Variants in ELSPBP1 observed in about 807,000 individuals in gnomAD.
ELSPBP1 encodes the protein epididymal sperm-binding protein 1.
A neutral mutation model predicts 33.3 loss-of-function variants in ELSPBP1; 38 were observed. The observed-to-expected ratio is 1.14, with a 90% CI of 0.88 to 1.50. The LOEUF is 1.50. ELSPBP1 is among the 40% of genes most tolerant of loss of function. ELSPBP1 has a pLI of 0.00. For missense variants in ELSPBP1, 267 were observed against 263.5 expected (o/e 1.01, Z -0.09); for synonymous variants, 85 against 94.1 (o/e 0.90, Z 0.56).
intron 6 of ELSPBP1, among the ~76,000 whole-genome samples, chr19:48,024,602 C>G (rs900121156): frequency 2.0e-5 from 3 of 152,142 alleles, no homozygotes; most frequent in Non-Finnish European, 4.4e-5. Flanking sequence ...GAACTCTGGG[C>G]ACCATCTTAA....
intron 1 of ELSPBP1, among the ~76,000 whole-genome samples, chr19:48,006,902 C>T (rs892971237): frequency 2.6e-5 from 4 of 152,090 alleles, no homozygotes; most frequent in African/African-American, 9.7e-5. Flanking sequence ...GAGAAAGACA[C>T]TTTGATGTGT....
intron 4 of ELSPBP1, among the ~76,000 whole-genome samples, chr19:48,016,463 TCCTTCTTTCTTTCTTTCTTTC>T (rs1967136031): frequency 1.0e-4 from 2 of 19,096 alleles, no homozygotes; most frequent in African/African-American, 4.7e-4. Context: ...TTCTTTTCTT[TCCTTCTTTCTTTCTTTCTTTC>T]TTTCTTTCTT....
At chr19:48,014,791 A>G (rs1967114622) in intron 3 of ELSPBP1, among the ~76,000 whole-genome samples, 1 of 152,116 alleles carries the variant, frequency 6.6e-6, no homozygotes, top group African/African-American at 2.4e-5. Flanking sequence ...GGGATGCCTG[A>G]CAATGAATGC....
At chr19:48,019,605 T>C in intron 4 of ELSPBP1, 114 bp from the exon 5 acceptor site, 2 of 1,009,148 alleles carry the variant, frequency 2.0e-6, no homozygotes, top group Non-Finnish European at 2.9e-6. Flanking sequence ...GCTTGGAGAA[T>C]CCAATGTGAC....
At chr19:48,021,728 G>A (rs1484743955) in intron 5 of ELSPBP1, among the ~76,000 whole-genome samples, 3 of 151,998 alleles carry the variant, frequency 2.0e-5, no homozygotes, top group Admixed American at 1.3e-4. Context: ...GGGATTACAG[G>A]CATGAGCCAC....
Position 48,002,663 on chromosome 19 carries a change from G to A in ELSPBP1, c.-17-5988G>A, listed in dbSNP as rs532176972. ...AAAAAATAGCTGAGCGTGATGGCTC[G>A]TGCCTGTAATCCCAGTGACTCAGGA... is the stretch of plus-strand genomic sequence containing the variant. On this transcript the variant is annotated intron_variant, in intron 1 of 6. Coordinates refer to ENST00000339841, the MANE Select transcript of ELSPBP1 (RefSeq NM_022142.5). 5.3e-5 allele frequency among the ~76,000 whole-genome samples: 8 copies of A among 152,258 alleles called. No individual in the cohort carries two copies. In the East Asian group the frequency reaches 1.2e-3, roughly 22 times the overall value.
chr19:48,008,139 C>A (rs1255128614), intron 1 of ELSPBP1, among the ~76,000 whole-genome samples: 3 of 152,088 alleles, frequency 2.0e-5, no homozygotes, highest in Non-Finnish European at 4.4e-5. Context: ...GCCTGTGCTT[C>A]CAGGCTACAA....
At position 48,000,317 on chromosome 19, in the gene ELSPBP1, T is replaced by C. The variant is rs1966955108; in HGVS notation, c.-18+5506T>C. Among the ~76,000 whole-genome samples the C allele has an allele frequency of 2.0e-5, 3 of 148,800 alleles. No individual in the cohort carries two copies. The South Asian group carries it at 6.5e-4, about 32-fold the overall frequency. Reference sequence around the variant, plus strand: ...CAAGACTGGCACGATCTTGGCTCAGTGCAACCTCTGCCTCCTGGGTTCAAG... The same window carrying C: ...CAAGACTGGCACGATCTTGGCTCAGCGCAACCTCTGCCTCCTGGGTTCAAG... On this transcript the variant is annotated intron_variant, in intron 1 of 6. Transcript: ENST00000339841.
rs770849484 is a variant in ELSPBP1, at chr19:48,016,033, A to G, written c.349A>G (p.Thr117Ala). Reference protein sequence around the residue: ...DEKQQWKFCETNEYGGNSLRK... With the variant: ...DEKQQWKFCEANEYGGNSLRK... The stretch of plus-strand genomic sequence containing the variant: ...GAAACAGCAGTGGAAATTCTGTGAA[A>G]CGAATGGTGAGCCCCTGTAGCAGGG... The change falls in exon 4 of 7, where the codon ACG becomes GCG. Residue 117 changes from threonine (T) to alanine (A), a missense_variant. Thr to Ala is a moderately conservative substitution (Grantham distance 58). Coordinates refer to ENST00000339841, the MANE Select transcript of ELSPBP1 (RefSeq NM_022142.5). 1 of 1,613,056 alleles carries G rather than the reference A, an allele frequency of 6.2e-7. No individual in the cohort carries two copies. The highest frequency in any genetic ancestry group is 8.5e-7 in the Non-Finnish European group (1 of 1,179,862).
At chr19:48,018,432 C>T (rs115510940) in intron 4 of ELSPBP1, among the ~76,000 whole-genome samples, 1,758 of 152,188 alleles carry the variant, frequency 0.012, 41 homozygotes, top group African/African-American at 0.04. Context: ...GAAGTTAGAC[C>T]CGAGTTGGAA....
chr19:48,013,707 AC>A (rs1194168523), intron 2 of ELSPBP1, among the ~76,000 whole-genome samples: 1 of 147,880 alleles, frequency 6.8e-6, no homozygotes, highest in Non-Finnish European at 1.5e-5. Flanking sequence ...ACAGAGTAAG[AC>A]TTCATCTCAA....
chr19:48,016,057 G>A lies in ELSPBP1; in HGVS notation c.355+18G>A, dbSNP rs773571043. ...AACGAATGGTGAGCCCCTGTAGCAG[G>A]GATGGGATGTGTGGTGGGAGGGAGA... On this transcript the variant is annotated intron_variant, in intron 4 of 6. Transcript: ENST00000339841. The A allele has an allele frequency of 6.2e-7, 1 of 1,611,288 alleles. No homozygotes were observed. The highest frequency in any genetic ancestry group is 1.7e-5 in the Admixed American group (1 of 59,992).
chr19:48,005,674 G>A (rs1258040517), intron 1 of ELSPBP1, among the ~76,000 whole-genome samples: 4 of 152,098 alleles, frequency 2.6e-5, no homozygotes, highest in Non-Finnish European at 5.9e-5. Flanking sequence ...TATTTTGGAT[G>A]ATATTTATGA....
intron 1 of ELSPBP1, among the ~76,000 whole-genome samples, chr19:48,002,548 T>C (rs1351250417): frequency 2.6e-5 from 4 of 152,224 alleles, no homozygotes; most frequent in Admixed American, 1.3e-4. Context: ...CCCAGCACTT[T>C]GGGAGGCCCA....
At chr19:48,001,924 T>G (rs901174440) in intron 1 of ELSPBP1, among the ~76,000 whole-genome samples, 4 of 152,110 alleles carry the variant, frequency 2.6e-5, no homozygotes, top group African/African-American at 9.7e-5. Context: ...CTCAAACTCC[T>G]GGGCTTGAGT....
In ELSPBP1 at chr19:48,004,326, C is replaced by T. The variant is rs918408698; in HGVS notation, c.-17-4325C>T. ...ACCATGCATCTCTGTGGCCTTGCTC[C>T]TCCTCACTTGTTGTAGAGACGAGGT... On this transcript the variant is annotated intron_variant, in intron 1 of 6. Coordinates refer to ENST00000339841, the MANE Select transcript of ELSPBP1 (RefSeq NM_022142.5). Among the ~76,000 whole-genome samples the T allele has an allele frequency of 7.2e-5, 11 of 152,022 alleles. 1 individual carries two copies. The highest frequency in any genetic ancestry group is 6.8e-3 in the Middle Eastern group (2 of 292).
chr19:48,009,091 G>A (rs941006553), intron 2 of ELSPBP1, among the ~76,000 whole-genome samples: 8 of 148,252 alleles, frequency 5.4e-5, no homozygotes, highest in Admixed American at 1.4e-4. Context: ...AGCCGAGATC[G>A]TACCACTGAA....
At chr19:48,009,169 G>C (rs368537228) in intron 2 of ELSPBP1, among the ~76,000 whole-genome samples, 1 of 151,714 alleles carries the variant, frequency 6.6e-6, no homozygotes, top group African/African-American at 2.4e-5. Flanking sequence ...AGAAGACCTG[G>C]GGTTTGGACC....
chr19:48,005,620 C>T (rs904891949), intron 1 of ELSPBP1, among the ~76,000 whole-genome samples: 2 of 152,202 alleles, frequency 1.3e-5, no homozygotes, highest in African/African-American at 4.8e-5. Flanking sequence ...GTTGAAAATA[C>T]AGTTCTGGCT....
Sources: allele counts gnomAD v4.1 joint callset (sites outside exome capture counted in the v4.1 genomes callset), GRCh38; gene constraint gnomAD v4.1.1; transcripts MANE v1.5; gene names NCBI Gene and HGNC (gene_info 2026-07-23, HGNC 2026-07-21).